CD99: variants seen among roughly 807,000 people sequenced by gnomAD.
CD99 encodes the protein CD99 molecule (Xg blood group).
CD99 carries 19 observed loss-of-function variants against 28.4 expected under a neutral mutation model. The observed-to-expected ratio is 0.67, with a 90% CI of 0.47 to 0.98. The LOEUF is 0.98. CD99 is among the 50% of genes least tolerant of loss of function. CD99 has a pLI of 0.00. For missense variants in CD99, 283 were observed against 248.8 expected, an observed-to-expected ratio of 1.14 and a Z score of -0.92; for synonymous variants, 103 against 92.1, an observed-to-expected ratio of 1.12 and a Z score of -0.67.
intron 1 of CD99, among the ~76,000 whole-genome samples, chrX:2,700,709 A>G (rs1331481085): frequency 6.6e-6 from 1 of 151,646 alleles, no homozygotes; most frequent in Non-Finnish European, 1.5e-5. Flanking sequence ...CCACTCATCA[A>G]TTGATACATC....
At chrX:2,719,285 G>A (rs1196670781) in intron 3 of CD99, 1 of 241,372 alleles carries the variant, frequency 4.1e-6, no homozygotes, top group African/African-American at 2.3e-5. Context: ...TGGGAGGAGA[G>A]GATGATGGGA....
At position 2,741,045 on chromosome X, in the gene CD99, G is replaced by T. The variant is rs1023362778; in HGVS notation, c.*241G>T. 5 of 574,822 alleles carry T rather than the reference G, an allele frequency of 8.7e-6. No homozygotes were observed. The highest frequency in any genetic ancestry group is 1.6e-5 in the Non-Finnish European group (5 of 320,874). 35.6% of individuals were successfully genotyped at this position (574,822 alleles called of 1,614,324 possible). The stretch of plus-strand genomic sequence containing the variant: ...CCCCCATTCTCCAAGGCCCGGGGGG[G>T]CGGTTTCCCATGGGATGTGAAAGGC... On this transcript the variant is annotated 3_prime_UTR_variant, in exon 10 of 10. Transcript: ENST00000381192.
Position 2,714,496 on chromosome X carries a change from A to G in CD99, c.100+42A>G, listed in dbSNP as rs1486054267. On this transcript the variant is annotated intron_variant, in intron 2 of 9. Coordinates refer to ENST00000381192, the MANE Select transcript of CD99 (RefSeq NM_002414.5). ...TTTTTTAAAATCCCGTCAATATTTT[A>G]TGTTAACATAGTATATACAGGCATA... 4 of 1,506,032 alleles carry G rather than the reference A, an allele frequency of 2.7e-6. No homozygotes were observed. In the African/African-American group the frequency reaches 5.4e-5, roughly 20 times the overall value. 93.3% of individuals were successfully genotyped at this position (1,506,032 alleles called of 1,614,324 possible). A position where few individuals can be genotyped will look rare whatever the true frequency, so the allele number is the denominator to read the frequency against.
chrX:2,701,483 A>T (rs765012647), intron 1 of CD99, among the ~76,000 whole-genome samples: 1 of 152,330 alleles, frequency 6.6e-6, no homozygotes, highest in South Asian at 2.1e-4. Context: ...CAGGGACTAC[A>T]CTTGTTCAGG....
intron 6 of CD99, 123 bp from the exon 7 acceptor site, chrX:2,723,191 A>T: frequency 2.1e-6 from 2 of 972,140 alleles, no homozygotes; most frequent in Non-Finnish European, 3.3e-6. Flanking sequence ...CCAGCTCTGT[A>T]GCTGGGTAAC....
chrX:2,730,462 G>A (rs762485745), intron 8 of CD99, among the ~76,000 whole-genome samples: 18 of 152,174 alleles, frequency 1.2e-4, no homozygotes, highest in Admixed American at 4.6e-4. Context: ...ATGAGCCACC[G>A]TGCCCGGCCC....
intron 8 of CD99, among the ~76,000 whole-genome samples, chrX:2,736,237 A>T (rs1171371871): frequency 6.6e-6 from 1 of 151,212 alleles, no homozygotes; most frequent in African/African-American, 2.4e-5. Context: ...AAGAAAAGTT[A>T]CGCTGCTGCA....
intron 8 of CD99, chrX:2,737,859 C>T (rs749702092): frequency 9.6e-5 from 45 of 466,992 alleles, no homozygotes; most frequent in South Asian, 4.0e-4. Context: ...CACAGATGCA[C>T]GTACTTTTTT....
chrX:2,728,393 G>A (rs772955039), intron 8 of CD99, among the ~76,000 whole-genome samples: 12 of 151,618 alleles, frequency 7.9e-5, no homozygotes, highest in Non-Finnish European at 5.9e-5. Flanking sequence ...ATGGAGTTTC[G>A]TCATGTTGGT....
At chrX:2,727,197 C>A in intron 8 of CD99, 1 of 727,018 alleles carries the variant, frequency 1.4e-6, no homozygotes, top group South Asian at 1.5e-5. Flanking sequence ...TACCGAAAAC[C>A]CACAGGCACC....
chrX:2,717,509 T>C, intron 2 of CD99, 96 bp from the exon 3 acceptor site: 2 of 1,000,676 alleles, frequency 2.0e-6, no homozygotes, highest in East Asian at 2.4e-5. Flanking sequence ...ATTCTCCGAC[T>C]GTTTCCAAGA....
At chrX:2,735,960 T>G (rs1300590115) in intron 8 of CD99, among the ~76,000 whole-genome samples, 1 of 152,054 alleles carries the variant, frequency 6.6e-6, no homozygotes, top group African/African-American at 2.4e-5. Flanking sequence ...CCCAGCATTT[T>G]GGGAGGCCGA....
At chrX:2,729,192 CTGAT>C (rs1233546948) in intron 8 of CD99, among the ~76,000 whole-genome samples, 1 of 152,152 alleles carries the variant, frequency 6.6e-6, no homozygotes, top group Non-Finnish European at 1.5e-5. Flanking sequence ...TACAAAGTCT[CTGAT>C]TGATGATTCT....
intron 5 of CD99, among the ~76,000 whole-genome samples, chrX:2,722,288 A>T (rs1280119754): frequency 2.0e-5 from 3 of 152,154 alleles, no homozygotes; most frequent in Admixed American, 2.0e-4. Context: ...ATGCAATATT[A>T]TGCTCACGTT....
intron 2 of CD99, 140 bp from the exon 3 acceptor site, chrX:2,717,465 G>T (rs1409421967): frequency 1.4e-6 from 1 of 693,166 alleles, no homozygotes; most frequent in African/African-American, 1.8e-5. Context: ...CCTCAGCTCG[G>T]TGTGGGCAGG....
intron 7 of CD99, 114 bp downstream of exon 7, chrX:2,723,478 C>A: frequency 8.2e-7 from 1 of 1,214,890 alleles, no homozygotes; most frequent in Non-Finnish European, 1.2e-6. Flanking sequence ...AAGCTACTGG[C>A]AGGAGGCACG....
chrX:2,712,204 G>A (rs932553042), intron 1 of CD99, among the ~76,000 whole-genome samples: 3 of 152,046 alleles, frequency 2.0e-5, no homozygotes, highest in Non-Finnish European at 4.4e-5. Flanking sequence ...GTGGAATGGC[G>A]GTGACCAAGG....
intron 8 of CD99, chrX:2,733,360 G>C (rs766946893): frequency 5.7e-6 from 9 of 1,590,010 alleles, no homozygotes; most frequent in Non-Finnish European, 6.8e-6. Flanking sequence ...ATTTCAGATG[G>C]CTGAAGACCT....
chrX:2,721,447 C>T (rs2048989289), intron 5 of CD99, among the ~76,000 whole-genome samples: 1 of 152,010 alleles, frequency 6.6e-6, no homozygotes. Flanking sequence ...AGGCACACAG[C>T]ATCGTGACCA....
Sources: gnomAD v4.1 joint callset for allele counts (sites outside exome capture counted in the v4.1 genomes callset) on GRCh38, gnomAD v4.1.1 for gene constraint, MANE v1.5 for transcripts, NCBI Gene and HGNC (gene_info 2026-07-23, HGNC 2026-07-21) for gene names.